Variants in FBXL7 observed in about 807,000 individuals in gnomAD.
FBXL7 encodes the protein F-box and leucine rich repeat protein 7.
In FBXL7, 12 loss-of-function variants were observed where a neutral mutation model predicts 38.3. The observed-to-expected ratio is 0.31, with a 90% CI of 0.20 to 0.51. The LOEUF (loss-of-function observed/expected upper bound fraction) is 0.51. Ranked by LOEUF, FBXL7 falls within the 20% of genes least tolerant of loss-of-function variation. FBXL7 has a pLI of 0.98. For missense variants in FBXL7, 567 were observed against 676.4 expected, an observed-to-expected ratio of 0.84 and a Z score of 1.79; for synonymous variants, 297 against 300.9, an observed-to-expected ratio of 0.99 and a Z score of 0.13.
At chr5:15,591,196 G>A (rs1383550824) in intron 1 of FBXL7, among the ~76,000 whole-genome samples, 1 of 152,044 alleles carries the variant, frequency 6.6e-6, no homozygotes, top group Non-Finnish European at 1.5e-5. Flanking sequence ...TTGGGAGGCC[G>A]AGGCGGGTGG....
intron 1 of FBXL7, among the ~76,000 whole-genome samples, chr5:15,544,994 G>A (rs1485559907): frequency 1.3e-5 from 2 of 152,154 alleles, no homozygotes; most frequent in African/African-American, 4.8e-5. Context: ...GAGAAAGAAA[G>A]AAATGAATCG....
At chr5:15,725,306 T>C (rs1230202291) in intron 2 of FBXL7, among the ~76,000 whole-genome samples, 1 of 152,206 alleles carries the variant, frequency 6.6e-6, no homozygotes, top group Non-Finnish European at 1.5e-5. Flanking sequence ...GCTTTCACCA[T>C]ATCCCATACA....
At chr5:15,729,451 AT>A (rs1464383706) in intron 2 of FBXL7, among the ~76,000 whole-genome samples, 8 of 152,244 alleles carry the variant, frequency 5.3e-5, no homozygotes, top group Non-Finnish European at 1.2e-4. Context: ...GACATGTAAA[AT>A]TTCTGTTATT....
At chr5:15,621,874 G>T (rs146244232) in intron 2 of FBXL7, among the ~76,000 whole-genome samples, 2 of 152,064 alleles carry the variant, frequency 1.3e-5, no homozygotes, top group African/African-American at 2.4e-5. Context: ...GTTACAAAGG[G>T]TCTTGTCAAT....
chr5:15,567,649 GGTTA>G (rs1738628416), intron 1 of FBXL7, among the ~76,000 whole-genome samples: 1 of 151,610 alleles, frequency 6.6e-6, no homozygotes, highest in African/African-American at 2.4e-5. Flanking sequence ...ACAACGTGTG[GGTTA>G]GTTACATACG....
chr5:15,588,406 A>C (rs1289939445), intron 1 of FBXL7, among the ~76,000 whole-genome samples: 2 of 139,666 alleles, frequency 1.4e-5, no homozygotes, highest in African/African-American at 2.7e-5. Context: ...TTTTTTTGAG[A>C]TGGAGTTTCG....
chr5:15,793,807 A>G (rs545193384), intron 2 of FBXL7, among the ~76,000 whole-genome samples: 10 of 152,202 alleles, frequency 6.6e-5, no homozygotes, highest in Non-Finnish European at 1.0e-4. Context: ...GATGAATTTG[A>G]TATCTGCCCT....
At chr5:15,932,798 A>G (rs1742077287) in intron 3 of FBXL7, among the ~76,000 whole-genome samples, 1 of 152,144 alleles carries the variant, frequency 6.6e-6, no homozygotes, top group Admixed American at 6.5e-5. Context: ...GCCCCTTTGG[A>G]AATTATGCCA....
chr5:15,913,456 G>C (rs902974252), intron 2 of FBXL7, among the ~76,000 whole-genome samples: 3 of 152,078 alleles, frequency 2.0e-5, no homozygotes, highest in Non-Finnish European at 2.9e-5. Context: ...CTTTTACATG[G>C]TCGTAAGTTT....
chr5:15,573,030 T>A (rs186130811), intron 1 of FBXL7, among the ~76,000 whole-genome samples: 3 of 152,294 alleles, frequency 2.0e-5, no homozygotes, highest in South Asian at 2.1e-4. Flanking sequence ...CCCTGCCAGA[T>A]CCCAAACTCA....
At chr5:15,789,386 A>T (rs943312324) in intron 2 of FBXL7, among the ~76,000 whole-genome samples, 1 of 152,008 alleles carries the variant, frequency 6.6e-6, no homozygotes, top group African/African-American at 2.4e-5. Flanking sequence ...ATAGTTTAAG[A>T]CTATTACCGT....
intron 2 of FBXL7, 147 bp from the exon 3 acceptor site, chr5:15,927,743 C>G: frequency 1.2e-6 from 1 of 833,934 alleles, no homozygotes; most frequent in South Asian, 4.1e-5. Context: ...CCATTGCACT[C>G]CCGCCTGGGC....
chr5:15,654,418 G>GA (rs200453697), intron 2 of FBXL7, among the ~76,000 whole-genome samples: 32,669 of 126,098 alleles, frequency 0.26, 3,818 homozygotes, highest in East Asian at 0.41. Flanking sequence ...ATAAAAAACT[G>GA]AAAAAAAAAA....
intron 2 of FBXL7, among the ~76,000 whole-genome samples, chr5:15,717,208 G>A (rs1744067992): frequency 6.6e-6 from 1 of 152,134 alleles, no homozygotes; most frequent in Non-Finnish European, 1.5e-5. Context: ...GCCTCAGTGA[G>A]TCATAGCACT....
chr5:15,503,202 C>T (rs749961545), intron 1 of FBXL7, among the ~76,000 whole-genome samples: 60 of 152,152 alleles, frequency 3.9e-4, no homozygotes, highest in Non-Finnish European at 7.8e-4. Context: ...GGGCAGATTA[C>T]TTGAGGTCAG....
chr5:15,668,368 T>TTGTGTG lies in FBXL7; in HGVS notation c.127+52332_127+52337dup, dbSNP rs148728974. 2.9e-3 allele frequency among the ~76,000 whole-genome samples: 429 copies of TTGTGTG among 145,752 alleles called. 2 individuals carry two copies. The highest frequency in any genetic ancestry group is 5.3e-3 in the African/African-American group (212 of 39,882). ...TCCTCCTACTCCTTTATATTTGTGTTTGTGTGTGTGTGTGTGTGTGTGTGT... is the reference window on the plus strand; with the variant it reads ...TCCTCCTACTCCTTTATATTTGTGTTTGTGTGTGTGTGTGTGTGTGTGTGTGTGTGT... On this transcript the variant is annotated intron_variant, in intron 2 of 3. Coordinates refer to ENST00000504595, the MANE Select transcript of FBXL7 (RefSeq NM_012304.5).
chr5:15,730,242 T>G (rs894781048), intron 2 of FBXL7, among the ~76,000 whole-genome samples: 1 of 152,216 alleles, frequency 6.6e-6, no homozygotes, highest in East Asian at 1.9e-4. Context: ...CAAAGTTTCG[T>G]GTATTTTTCT....
intron 2 of FBXL7, among the ~76,000 whole-genome samples, chr5:15,751,006 C>T (rs1038702845): frequency 1.3e-5 from 2 of 152,170 alleles, no homozygotes; most frequent in Non-Finnish European, 1.5e-5. Context: ...ACTGTGACAG[C>T]TTTATACCTG....
intron 2 of FBXL7, among the ~76,000 whole-genome samples, chr5:15,822,622 CTTTT>C (rs371800054): frequency 0.15 from 19,227 of 131,670 alleles, 1,516 homozygotes; most frequent in Middle Eastern, 0.26. Context: ...GCTGGTTGCT[CTTTT>C]TTTTTTTTTT....
Sources: allele counts gnomAD v4.1 joint callset (sites outside exome capture counted in the v4.1 genomes callset), GRCh38; gene constraint gnomAD v4.1.1; transcripts MANE v1.5; gene names NCBI Gene and HGNC (gene_info 2026-07-23, HGNC 2026-07-21).